SLC22A24: variants seen among roughly 807,000 people sequenced by gnomAD.
SLC22A24 encodes steroid transmembrane transporter SLC22A24.
SLC22A24 carries 53 observed loss-of-function variants against 49.8 expected under a neutral mutation model. The observed-to-expected ratio is 1.06, with a 90% CI of 0.85 to 1.34. The LOEUF (loss-of-function observed/expected upper bound fraction) is 1.34. Among genes scored for constraint, SLC22A24 ranks in the 40% most tolerant of loss-of-function variants. SLC22A24 has a pLI of 0.00. For missense variants in SLC22A24, 786 were observed against 675.9 expected (o/e 1.16, Z -1.81); for synonymous variants, 302 against 256.4 (o/e 1.18, Z -1.70).
intron 6 of SLC22A24, among the ~76,000 whole-genome samples, chr11:63,094,338 C>G (rs1202346011): frequency 6.6e-6 from 1 of 151,988 alleles, no homozygotes; most frequent in Non-Finnish European, 1.5e-5. Flanking sequence ...GCATAGTATT[C>G]TATGGTGTAT....
chr11:63,115,662 C>T (rs1273159867), intron 4 of SLC22A24, among the ~76,000 whole-genome samples: 3 of 152,160 alleles, frequency 2.0e-5, no homozygotes, highest in Admixed American at 6.5e-5. Context: ...ACACTGGGAT[C>T]TGCAGACCAG....
At chr11:63,091,272 C>A (rs1369635011) in intron 6 of SLC22A24, among the ~76,000 whole-genome samples, 1 of 152,034 alleles carries the variant, frequency 6.6e-6, no homozygotes, top group African/African-American at 2.4e-5. Context: ...AATAGCCTAC[C>A]AACCAAAAAA....
chr11:63,095,950 C>A, intron 6 of SLC22A24, 41 bp downstream of exon 6: 1 of 1,363,076 alleles, frequency 7.3e-7, no homozygotes, highest in South Asian at 1.3e-5. Flanking sequence ...AGTTTTGTGT[C>A]TCCAATATTT....
chr11:63,134,772 G>T lies in SLC22A24; in HGVS notation c.403-4C>A. On this transcript the variant is annotated splice_region_variant and splice_polypyrimidine_tract_variant and intron_variant, in intron 1 of 9. Transcript: ENST00000612278. ...GAGATTCACATACCAGGTCCCACTG[G>T]AAGAGAAAGAAAGCAGTACAGCAGA... is the stretch of plus-strand genomic sequence containing the variant. 6.4e-7 allele frequency: 1 copy of T among 1,560,896 alleles called. No homozygotes were observed. The highest frequency in any genetic ancestry group is 8.7e-7 in the Non-Finnish European group (1 of 1,147,386).
At chr11:63,127,651 A>G (rs1565042377) in intron 2 of SLC22A24, among the ~76,000 whole-genome samples, 1 of 152,098 alleles carries the variant, frequency 6.6e-6, no homozygotes, top group Non-Finnish European at 1.5e-5. Flanking sequence ...TTGTTTCCTG[A>G]CTTTTTAATC....
intron 5 of SLC22A24, among the ~76,000 whole-genome samples, chr11:63,099,551 A>G (rs917717700): frequency 2.0e-5 from 3 of 151,844 alleles, no homozygotes; most frequent in African/African-American, 7.3e-5. Flanking sequence ...ATACGGGAGG[A>G]GAAAATACTT....
At position 63,143,425 on chromosome 11, in the gene SLC22A24, C is replaced by G. The variant is rs761345188; in HGVS notation, c.355G>C (p.Gly119Arg). The G allele has an allele frequency of 3.3e-6, 5 of 1,535,498 alleles. No homozygotes were observed. The highest frequency in any genetic ancestry group is 3.5e-6 in the Non-Finnish European group (4 of 1,146,654). ...AAAGAGCTTCTGTCGTACACCCAGCCATCCACACAGGGCTCCGTGTCTGGC... is the reference window on the plus strand; with the variant it reads ...AAAGAGCTTCTGTCGTACACCCAGCGATCCACACAGGGCTCCGTGTCTGGC... ...NEPDTEPCVD[G>R]WVYDRSSFLS... The change falls in exon 1 of 10, where the codon GGC becomes CGC. Residue 119 changes from glycine (G) to arginine (R), a missense_variant. Transcript: ENST00000612278.
Position 63,131,780 on chromosome 11 carries a change from TA to T in SLC22A24, c.506+2884del, listed in dbSNP as rs1460319645. Among the ~76,000 whole-genome samples, 3 of 151,988 alleles carry T rather than the reference TA, an allele frequency of 2.0e-5. No homozygotes were observed. The South Asian group carries it at 6.2e-4, about 32-fold the overall frequency. On this transcript the variant is annotated intron_variant, in intron 2 of 9. Transcript: ENST00000612278. Reference sequence around the variant, plus strand: ...TCTTGGGCTTGCTCTTCTCAAGGAGTATCTTTGTAGTGTTCTCTGTATTTCC... The same window carrying T: ...TCTTGGGCTTGCTCTTCTCAAGGAGTTCTTTGTAGTGTTCTCTGTATTTCC...
Position 63,082,271 on chromosome 11 carries a change from CATT to C in SLC22A24, c.1286-608_1286-606del, listed in dbSNP as rs534773364. Among the ~76,000 whole-genome samples the C allele has an allele frequency of 1.6e-4, 24 of 152,298 alleles. No homozygotes were observed. In the South Asian group the frequency reaches 5.0e-3, roughly 32 times the overall value. Reference sequence around the variant, plus strand: ...AATAATTCAGGATTGTAAAACCTAACATTATAAAACCTAACTCCTATTTGGAAA... The same window carrying C: ...AATAATTCAGGATTGTAAAACCTAACATAAAACCTAACTCCTATTTGGAAA... On this transcript the variant is annotated intron_variant, in intron 7 of 9. Transcript: ENST00000612278.
chr11:63,119,506 C>A (rs1301540179), intron 2 of SLC22A24, among the ~76,000 whole-genome samples, 171 bp from the exon 3 acceptor site: 3 of 152,136 alleles, frequency 2.0e-5, no homozygotes, highest in Non-Finnish European at 4.4e-5. Context: ...ACAGATGTAA[C>A]CCTCCCTATT....
intron 4 of SLC22A24, among the ~76,000 whole-genome samples, chr11:63,111,375 G>A (rs927795987): frequency 2.0e-5 from 3 of 151,746 alleles, no homozygotes; most frequent in Non-Finnish European, 4.4e-5. Context: ...AAATGAGTTA[G>A]GGAGGATTCC....
intron 5 of SLC22A24, among the ~76,000 whole-genome samples, chr11:63,097,204 C>G (rs2087060014): frequency 7.0e-6 from 1 of 142,706 alleles, no homozygotes; most frequent in South Asian, 2.4e-4. Flanking sequence ...TATCCAGAAT[C>G]TACAAGGAAC....
chr11:63,134,783 A>C lies in SLC22A24; in HGVS notation c.403-15T>G, dbSNP rs1454904348. ...ACCAGGTCCCACTGGAAGAGAAAGA[A>C]AGCAGTACAGCAGAGCTTGAGAAGA... On this transcript the variant is annotated splice_polypyrimidine_tract_variant and intron_variant, in intron 1 of 9. Coordinates refer to ENST00000612278, the MANE Select transcript of SLC22A24 (RefSeq NM_001136506.2). 6.5e-7 allele frequency: 1 copy of C among 1,528,778 alleles called. No homozygotes were observed. Among genetic ancestry groups the C allele is most frequent in the East Asian group, 2.4e-5 (1 of 42,302 alleles). The allele number at this position is 1,528,778 out of a possible 1,614,324, so 94.7% of individuals were successfully genotyped here.
Position 63,129,327 on chromosome 11 carries a change from C to T in SLC22A24, c.506+5338G>A, listed in dbSNP as rs138749864. On this transcript the variant is annotated intron_variant, in intron 2 of 9. Transcript: ENST00000612278. The stretch of plus-strand genomic sequence containing the variant: ...TTCTGAAGCTTCTATTCTGTTCCAT[C>T]GGTCTATATATCTGTTTTGGTACCC... 4.2e-3 allele frequency among the ~76,000 whole-genome samples: 638 copies of T among 152,160 alleles called. 4 individuals are homozygous for T. Among genetic ancestry groups the T allele is most frequent in the African/African-American group, 0.014 (579 of 41,496 alleles).
intron 2 of SLC22A24, among the ~76,000 whole-genome samples, chr11:63,131,761 G>A (rs74330967): frequency 0.8 from 120,576 of 151,456 alleles, 49,041 homozygotes; most frequent in East Asian, 0.9. Flanking sequence ...CATGTCTTGG[G>A]CTTGCTCTTC....
chr11:63,127,443 G>C (rs4597074), intron 2 of SLC22A24, among the ~76,000 whole-genome samples: 117,400 of 152,164 alleles, frequency 0.77, 47,074 homozygotes, highest in East Asian at 0.9. Flanking sequence ...AAACATACGT[G>C]TGCATGTGTC....
intron 2 of SLC22A24, among the ~76,000 whole-genome samples, chr11:63,121,956 A>G (rs1486359490): frequency 6.6e-6 from 1 of 152,174 alleles, no homozygotes; most frequent in Non-Finnish European, 1.5e-5. Context: ...AAAGCCCTTT[A>G]TGGTGAAAGA....
rs1228212443 is a variant in SLC22A24 at position 63,143,865 on chromosome 11, G to A, written c.-86C>T. 2 of 1,142,362 alleles carry A rather than the reference G, an allele frequency of 1.8e-6. No individual in the cohort carries two copies. Among genetic ancestry groups the A allele is most frequent in the African/African-American group, 1.6e-5 (1 of 61,874 alleles). 70.8% of individuals were successfully genotyped at this position (1,142,362 alleles called of 1,614,324 possible). On this transcript the variant is annotated 5_prime_UTR_variant, in exon 1 of 10. Coordinates refer to ENST00000612278, the MANE Select transcript of SLC22A24 (RefSeq NM_001136506.2). Reference sequence around the variant, plus strand: ...GGGAGAAAATGTCCCCTTTCACAAAGTTACCATAGTGCCATGTGGATCCTG... The same window carrying A: ...GGGAGAAAATGTCCCCTTTCACAAAATTACCATAGTGCCATGTGGATCCTG...
At chr11:63,104,346 C>T in intron 4 of SLC22A24, 48 bp from the exon 5 acceptor site, 2 of 1,498,618 alleles carry the variant, frequency 1.3e-6, no homozygotes, top group Non-Finnish European at 1.8e-6. Flanking sequence ...ACTTATTTGG[C>T]ACTTAACCTT....
Sources: allele counts gnomAD v4.1 joint callset (sites outside exome capture counted in the v4.1 genomes callset), GRCh38; gene constraint gnomAD v4.1.1; transcripts MANE v1.5; gene names NCBI Gene and HGNC (gene_info 2026-07-23, HGNC 2026-07-21).